Variants in NCALD observed in about 807,000 individuals in gnomAD.
NCALD encodes the protein neurocalcin-delta.
A neutral mutation model predicts 18.6 loss-of-function variants in NCALD; 10 were observed. That is an observed-to-expected ratio of 0.54 (90% CI 0.33 to 0.91). The LOEUF is 0.91. Ranked by LOEUF, NCALD falls within the 40% of genes least tolerant of loss-of-function variation. NCALD has a pLI of 0.03. For synonymous variants in NCALD, 88 were observed against 87.4 expected (o/e 1.01, Z -0.04); for missense variants, 184 against 247.6 (o/e 0.74, Z 1.72).
intron 1 of NCALD, among the ~76,000 whole-genome samples, chr8:101,735,752 T>C (rs373733923): frequency 2.6e-4 from 39 of 152,226 alleles, no homozygotes; most frequent in African/African-American, 8.4e-4. Context: ...AAGAAGGCCA[T>C]GTGTTTATAT....
At chr8:101,845,594 T>TAC (rs1814834375) in intron 4 of NCALD, among the ~76,000 whole-genome samples, 1 of 152,218 alleles carries the variant, frequency 6.6e-6, no homozygotes, top group Non-Finnish European at 1.5e-5. Flanking sequence ...AATATTTTGA[T>TAC]ACAGGCATAC....
chr8:102,070,129 A>G (rs1824135512), intron 1 of NCALD: 1 of 151,944 alleles, frequency 6.6e-6, no homozygotes, highest in Non-Finnish European at 1.5e-5. Flanking sequence ...AAAAAAAAGT[A>G]ATTGTAATTA....
chr8:102,100,805 A>G (rs1825251668), intron 1 of NCALD, among the ~76,000 whole-genome samples: 1 of 152,238 alleles, frequency 6.6e-6, no homozygotes, highest in Non-Finnish European at 1.5e-5. Context: ...CAGTCATAGA[A>G]GGACAAATAT....
chr8:102,011,534 T>C (rs1052396820), intron 2 of NCALD, among the ~76,000 whole-genome samples: 1 of 152,166 alleles, frequency 6.6e-6, no homozygotes, highest in Admixed American at 6.5e-5. Context: ...AAATCTTTGA[T>C]GCAATGAATT....
intron 2 of NCALD, among the ~76,000 whole-genome samples, chr8:101,963,237 T>C (rs899937263): frequency 1.3e-5 from 2 of 152,180 alleles, no homozygotes; most frequent in Admixed American, 6.6e-5. Flanking sequence ...GGCACCAAGT[T>C]AGACCTTCTA....
At chr8:101,823,646 AT>A (rs1226179051) in intron 4 of NCALD, among the ~76,000 whole-genome samples, 5 of 152,234 alleles carry the variant, frequency 3.3e-5, no homozygotes, top group Non-Finnish European at 5.9e-5. Flanking sequence ...GCCAATGGAC[AT>A]TACAGGTCTG....
chr8:102,033,977 TTCTC>T (rs1368158982), intron 1 of NCALD, among the ~76,000 whole-genome samples: 2 of 148,114 alleles, frequency 1.4e-5, no homozygotes, highest in African/African-American at 2.5e-5. Flanking sequence ...TCCTAGCTCT[TTCTC>T]TTTCTTTCTT....
intron 2 of NCALD, among the ~76,000 whole-genome samples, chr8:102,005,043 A>G (rs74613210): frequency 0.26 from 39,525 of 152,192 alleles, 5,996 homozygotes; most frequent in Admixed American, 0.35. Context: ...ATCTAATGAA[A>G]CTAAAGAGCT....
intron 2 of NCALD, among the ~76,000 whole-genome samples, chr8:101,695,251 T>C (rs529849499): frequency 6.6e-6 from 1 of 152,172 alleles, no homozygotes; most frequent in Non-Finnish European, 1.5e-5. Context: ...GAAGAGCACT[T>C]ACAGACAAGG....
chr8:101,877,623 TA>T (rs1268147355), intron 4 of NCALD, among the ~76,000 whole-genome samples: 1 of 152,226 alleles, frequency 6.6e-6, no homozygotes. Flanking sequence ...CAGTATTGCA[TA>T]AAAGATACTA....
intron 4 of NCALD, among the ~76,000 whole-genome samples, chr8:101,880,130 C>T (rs1052171056): frequency 3.3e-5 from 5 of 152,166 alleles, no homozygotes; most frequent in African/African-American, 1.2e-4. Context: ...CTGCAGGTCC[C>T]GAGCCCTGCC....
intron 1 of NCALD, among the ~76,000 whole-genome samples, chr8:102,064,875 G>A (rs1332064717): frequency 6.6e-6 from 1 of 152,010 alleles, no homozygotes; most frequent in Non-Finnish European, 1.5e-5. Flanking sequence ...TCTTCCCTAG[G>A]TGTCTCCCCA....
At chr8:101,739,281 C>A (rs1435585065) in intron 1 of NCALD, among the ~76,000 whole-genome samples, 2 of 152,032 alleles carry the variant, frequency 1.3e-5, no homozygotes, top group Admixed American at 1.3e-4. Flanking sequence ...TCTTACCCCC[C>A]CAGTTAAAAA....
intron 2 of NCALD, among the ~76,000 whole-genome samples, chr8:101,712,907 C>A (rs1815878369): frequency 6.6e-6 from 1 of 152,156 alleles, no homozygotes; most frequent in Admixed American, 6.5e-5. Flanking sequence ...AGGACTTGAA[C>A]TCAGCTCTGG....
intron 1 of NCALD, among the ~76,000 whole-genome samples, chr8:101,771,138 T>C (rs1811569776): frequency 6.6e-6 from 1 of 152,172 alleles, no homozygotes; most frequent in Non-Finnish European, 1.5e-5. Flanking sequence ...ATCGGGTAGG[T>C]GCAGTTGGAT....
intron 4 of NCALD, among the ~76,000 whole-genome samples, chr8:101,801,650 T>C (rs1430270626): frequency 1.3e-3 from 87 of 68,632 alleles, no homozygotes; most frequent in African/African-American, 0.011. Context: ...TTACTTTTTT[T>C]TTTTTTTTTT....
At chr8:101,892,274 G>T (rs1207462036) in intron 3 of NCALD, among the ~76,000 whole-genome samples, 3 of 146,346 alleles carry the variant, frequency 2.0e-5, no homozygotes, top group Non-Finnish European at 4.4e-5. Flanking sequence ...ACACGGCAGG[G>T]TATTCCAACA....
At position 101,928,179 on chromosome 8, in the gene NCALD, G is replaced by A. The variant is rs554827102; in HGVS notation, c.-156-12321C>T. Among the ~76,000 whole-genome samples, 21 of 152,134 alleles carry A rather than the reference G, an allele frequency of 1.4e-4. 1 individual carries two copies. Among genetic ancestry groups the A allele is most frequent in the South Asian group, 8.3e-4 (4 of 4,804 alleles). Reference sequence around the variant, plus strand: ...GATTGTCCAATCTCTCAATGATCGCGCGATGTAGAGATTATGATGCTCATC... The same window carrying A: ...GATTGTCCAATCTCTCAATGATCGCACGATGTAGAGATTATGATGCTCATC... On this transcript the variant is annotated intron_variant, in intron 2 of 6. Transcript: ENST00000311028.
At chr8:102,121,631 G>A (rs1220131962) in intron 1 of NCALD, among the ~76,000 whole-genome samples, 1 of 152,098 alleles carries the variant, frequency 6.6e-6, no homozygotes, top group Non-Finnish European at 1.5e-5. Context: ...CAAAAAATTG[G>A]ACCTCCATCC....
Sources: gnomAD v4.1 joint callset for allele counts (sites outside exome capture counted in the v4.1 genomes callset) on GRCh38, gnomAD v4.1.1 for gene constraint, MANE v1.5 for transcripts, NCBI Gene and HGNC (gene_info 2026-07-23, HGNC 2026-07-21) for gene names.